KCNIP4: variants seen among roughly 807,000 people sequenced by gnomAD.
KCNIP4 encodes the protein Kv channel-interacting protein 4.
KCNIP4 carries 12 observed loss-of-function variants against 34.0 expected under a neutral mutation model. That is an observed-to-expected ratio of 0.35 (90% CI 0.23 to 0.57). The LOEUF (loss-of-function observed/expected upper bound fraction) is 0.57, where lower values mean the gene tolerates loss of function less well. Ranked by LOEUF, KCNIP4 falls within the 20% of genes least tolerant of loss-of-function variation. The pLI, the probability that KCNIP4 is intolerant of heterozygous loss-of-function variation, is 0.83. For missense variants in KCNIP4, 238 were observed against 311.7 expected, an observed-to-expected ratio of 0.76 and a Z score of 1.78; for synonymous variants, 124 against 102.2, an observed-to-expected ratio of 1.21 and a Z score of -1.29.
chr4:21,013,380 G>A (rs1349097479), intron 1 of KCNIP4, among the ~76,000 whole-genome samples: 1 of 152,108 alleles, frequency 6.6e-6, no homozygotes, highest in Non-Finnish European at 1.5e-5. Context: ...TGAACACAGA[G>A]GATACAGCTT....
chr4:21,809,101 G>A (rs1030132263), intron 1 of KCNIP4, among the ~76,000 whole-genome samples: 15 of 151,664 alleles, frequency 9.9e-5, no homozygotes, highest in African/African-American at 3.6e-4. Flanking sequence ...CGCTATTTCT[G>A]GGTGTGTCTG....
chr4:21,444,064 G>T (rs1727737300), intron 1 of KCNIP4, among the ~76,000 whole-genome samples: 1 of 152,060 alleles, frequency 6.6e-6, no homozygotes, highest in African/African-American at 2.4e-5. Context: ...ACCCTCCCAA[G>T]ACTAAACCAG....
At chr4:21,318,637 G>A (rs1482055788) in intron 1 of KCNIP4, among the ~76,000 whole-genome samples, 2 of 152,040 alleles carry the variant, frequency 1.3e-5, no homozygotes, top group African/African-American at 4.8e-5. Flanking sequence ...CACACTACTC[G>A]TGTTTTTTTC....
intron 1 of KCNIP4, among the ~76,000 whole-genome samples, chr4:21,271,439 A>T (rs1762138659): frequency 1.3e-5 from 2 of 152,152 alleles, no homozygotes; most frequent in African/African-American, 2.4e-5. Flanking sequence ...ATTTTAGGAG[A>T]TGCAGCATTA....
chr4:21,278,207 G>C (rs185026223), intron 1 of KCNIP4, among the ~76,000 whole-genome samples: 3 of 152,180 alleles, frequency 2.0e-5, no homozygotes, highest in African/African-American at 4.8e-5. Flanking sequence ...ATAATTCTTT[G>C]TTAACTTTTA....
chr4:21,344,461 A>C (rs1257409631), intron 1 of KCNIP4, among the ~76,000 whole-genome samples: 1 of 152,164 alleles, frequency 6.6e-6, no homozygotes, highest in Admixed American at 6.6e-5. Flanking sequence ...CCAAATTGCA[A>C]AGATCAGGAG....
intron 1 of KCNIP4, among the ~76,000 whole-genome samples, chr4:21,425,501 T>C (rs960666481): frequency 6.6e-6 from 1 of 152,154 alleles, no homozygotes; most frequent in Non-Finnish European, 1.5e-5. Flanking sequence ...TAAGAATTTA[T>C]TTAAGTAAAA....
At chr4:20,930,839 A>G (rs7684992) in intron 1 of KCNIP4, among the ~76,000 whole-genome samples, 1 of 40,536 alleles carries the variant, frequency 2.5e-5, no homozygotes, top group East Asian at 3.1e-3. Context: ...TGGCTATTAT[A>G]AAAAAAAAAA....
At chr4:21,296,065 C>A (rs1011802954) in intron 1 of KCNIP4, among the ~76,000 whole-genome samples, 1 of 152,106 alleles carries the variant, frequency 6.6e-6, no homozygotes, top group Non-Finnish European at 1.5e-5. Context: ...ATGGCTGAAT[C>A]CCCACTGTCT....
chr4:20,770,460 C>T (rs1755768440), intron 3 of KCNIP4, among the ~76,000 whole-genome samples: 1 of 139,884 alleles, frequency 7.1e-6, no homozygotes, highest in African/African-American at 2.6e-5. Context: ...TGATATCAGC[C>T]TAATAATATT....
chr4:20,907,214 T>C (rs903336037), intron 1 of KCNIP4, among the ~76,000 whole-genome samples: 70 of 152,342 alleles, frequency 4.6e-4, no homozygotes, highest in African/African-American at 1.5e-3. Context: ...GAGCTTTAAA[T>C]GTTAACACAG....
At chr4:20,901,897 G>GA (rs368323011) in intron 1 of KCNIP4, among the ~76,000 whole-genome samples, 5,254 of 143,042 alleles carry the variant, frequency 0.037, 103 homozygotes, top group Non-Finnish European at 0.051. Context: ...TCCAAGAAAG[G>GA]AAAAAAAAAA....
intron 1 of KCNIP4, among the ~76,000 whole-genome samples, chr4:21,224,161 T>TTTGGG (rs1391505624): frequency 2.0e-5 from 3 of 152,070 alleles, no homozygotes; most frequent in Non-Finnish European, 2.9e-5. Context: ...TCTCCATCAG[T>TTTGGG]TTGGGTTGCC....
At chr4:20,981,386 A>G (rs562884735) in intron 1 of KCNIP4, among the ~76,000 whole-genome samples, 2 of 152,300 alleles carry the variant, frequency 1.3e-5, no homozygotes, top group African/African-American at 4.8e-5. Flanking sequence ...TTTTAAATGC[A>G]TTTGCCGAAA....
At chr4:21,253,015 T>C (rs1439609552) in intron 1 of KCNIP4, among the ~76,000 whole-genome samples, 3 of 152,158 alleles carry the variant, frequency 2.0e-5, no homozygotes, top group African/African-American at 4.8e-5. Flanking sequence ...GAAAGCACTT[T>C]GAACTTCTCA....
chr4:21,659,497 T>C (rs1308775919), intron 1 of KCNIP4, among the ~76,000 whole-genome samples: 1 of 152,176 alleles, frequency 6.6e-6, no homozygotes, highest in Non-Finnish European at 1.5e-5. Flanking sequence ...TCAAGTCCAT[T>C]TTATTTCTAT....
intron 1 of KCNIP4, among the ~76,000 whole-genome samples, chr4:21,873,277 T>C (rs1725915409): frequency 6.6e-6 from 1 of 151,910 alleles, no homozygotes; most frequent in Non-Finnish European, 1.5e-5. Context: ...AGAAAAGGAG[T>C]GTTACTAAAC....
At chr4:21,304,148 G>A (rs990822674) in intron 1 of KCNIP4, 8 of 208,230 alleles carry the variant, frequency 3.8e-5, no homozygotes, top group African/African-American at 1.9e-4. Flanking sequence ...AGGGAAAAGA[G>A]ACTAGATGGA....
chr4:21,406,693 C>A (rs1461272025), intron 1 of KCNIP4, among the ~76,000 whole-genome samples: 2 of 152,158 alleles, frequency 1.3e-5, no homozygotes, highest in East Asian at 3.9e-4. Flanking sequence ...AATATTTTTA[C>A]TTGAGAGAGT....
Sources: allele counts gnomAD v4.1 joint callset (sites outside exome capture counted in the v4.1 genomes callset), GRCh38; gene constraint gnomAD v4.1.1; transcripts MANE v1.5; gene names NCBI Gene and HGNC (gene_info 2026-07-23, HGNC 2026-07-21).